Variants in SPRED1 observed in about 807,000 individuals in gnomAD.
SPRED1 encodes sprouty related EVH1 domain containing 1.
Under a neutral mutation model 52.3 loss-of-function variants are expected in SPRED1, and 18 were observed. That is an observed-to-expected ratio of 0.34 (90% CI 0.24 to 0.51). SPRED1 has a LOEUF of 0.51. SPRED1 is among the 20% of genes least tolerant of loss of function. SPRED1 has a pLI of 0.97. For synonymous variants in SPRED1, 155 were observed against 179.7 expected, an observed-to-expected ratio of 0.86 and a Z score of 1.10; for missense variants, 485 against 551.0, an observed-to-expected ratio of 0.88 and a Z score of 1.20.
At chr15:38,304,407 T>C (rs1055039124) in intron 2 of SPRED1, among the ~76,000 whole-genome samples, 8 of 152,334 alleles carry the variant, frequency 5.3e-5, no homozygotes, top group Middle Eastern at 3.4e-3. Flanking sequence ...TCTTGAAAGA[T>C]ACTAGTTCCC....
At chr15:38,333,551 T>A (rs574679794) in intron 4 of SPRED1, among the ~76,000 whole-genome samples, 1 of 152,258 alleles carries the variant, frequency 6.6e-6, no homozygotes, top group South Asian at 2.1e-4. Flanking sequence ...ATATAATTTT[T>A]AATAAGATGG....
chr15:38,311,381 T>TG (rs2140987115), intron 2 of SPRED1, among the ~76,000 whole-genome samples: 1 of 152,210 alleles, frequency 6.6e-6, no homozygotes, highest in Admixed American at 6.5e-5. Context: ...TGTAGGTCGG[T>TG]GGGGGTTTTC....
At chr15:38,309,025 A>G (rs185315477) in intron 2 of SPRED1, among the ~76,000 whole-genome samples, 4 of 152,252 alleles carry the variant, frequency 2.6e-5, no homozygotes, top group Admixed American at 2.0e-4. Context: ...ATTCTGAGAG[A>G]TGTGTAGTGA....
chr15:38,308,378 T>C (rs186841635), intron 2 of SPRED1, among the ~76,000 whole-genome samples: 178 of 152,326 alleles, frequency 1.2e-3, no homozygotes, highest in Admixed American at 2.8e-3. Flanking sequence ...TTGTATTCAT[T>C]TTTGTGTGTA....
intron 1 of SPRED1, chr15:38,268,167 A>T (rs1894351667): frequency 6.6e-6 from 1 of 152,168 alleles, no homozygotes; most frequent in Non-Finnish European, 1.5e-5. Flanking sequence ...TGCTGTCTCT[A>T]CTCTAGCTAC....
At chr15:38,343,525 G>C (rs564302437) in intron 5 of SPRED1, among the ~76,000 whole-genome samples, 129 of 152,182 alleles carry the variant, frequency 8.5e-4, no homozygotes, top group African/African-American at 2.7e-3. Flanking sequence ...GAAAGTTAAC[G>C]AAATTGAAAC....
rs187660297 is a variant in SPRED1 at position 38,277,158 on chromosome 15, G to A, written c.33-22215G>A. The stretch of plus-strand genomic sequence containing the variant: ...AAAACTTTTAGGTTCAAGGTTACAC[G>A]TGCAGGTTTGTTATATAGGTAAATT... On this transcript the variant is annotated intron_variant, in intron 1 of 6. Transcript: ENST00000299084. 5.5e-4 allele frequency among the ~76,000 whole-genome samples: 83 copies of A among 152,228 alleles called. No homozygotes were observed. The East Asian group carries it at 0.012, about 21-fold the overall frequency.
intron 2 of SPRED1, among the ~76,000 whole-genome samples, chr15:38,309,371 C>A (rs920010042): frequency 3.3e-5 from 5 of 152,200 alleles, no homozygotes; most frequent in African/African-American, 4.8e-5. Flanking sequence ...GAACTCCTGA[C>A]CTTAAGTGAT....
At chr15:38,293,660 T>G (rs1354833897) in intron 1 of SPRED1, among the ~76,000 whole-genome samples, 2 of 152,224 alleles carry the variant, frequency 1.3e-5, no homozygotes, top group African/African-American at 4.8e-5. Flanking sequence ...GCTTTCTTGC[T>G]TATTATCATC....
Position 38,257,212 on chromosome 15 carries a change from A to G in SPRED1, c.32+3995A>G, listed in dbSNP as rs555267738. 1.9e-4 allele frequency among the ~76,000 whole-genome samples: 29 copies of G among 150,534 alleles called. No homozygotes were observed. The South Asian group carries it at 5.9e-3, about 31-fold the overall frequency. ...TTCGTACATATGTATATTAGTTTTA[A>G]AATCATATAATATTGTGATTATTTA... On this transcript the variant is annotated intron_variant, in intron 1 of 6. Transcript: ENST00000299084.
chr15:38,257,247 A>T (rs147701249), intron 1 of SPRED1, among the ~76,000 whole-genome samples: 1 of 152,112 alleles, frequency 6.6e-6, no homozygotes, highest in African/African-American at 2.4e-5. Context: ...ACTTATTTCT[A>T]TGACCGCTAT....
chr15:38,345,504 A>C (rs1420115323), intron 5 of SPRED1, among the ~76,000 whole-genome samples: 1 of 152,218 alleles, frequency 6.6e-6, no homozygotes, highest in African/African-American at 2.4e-5. Flanking sequence ...AGATTAAGCT[A>C]GCAAGTTAAC....
chr15:38,337,939 G>A (rs1372827152), intron 4 of SPRED1, among the ~76,000 whole-genome samples: 3 of 150,558 alleles, frequency 2.0e-5, no homozygotes, highest in East Asian at 2.0e-4. Flanking sequence ...GAAATTGTGC[G>A]CCTGTAATCC....
chr15:38,349,575 AGGT>A (rs754544760), intron 6 of SPRED1, 52 bp downstream of exon 6: 3 of 1,061,346 alleles, frequency 2.8e-6, no homozygotes, highest in Non-Finnish European at 4.0e-6. Context: ...ATTAATAGAT[AGGT>A]AAAGTTTTCC....
At chr15:38,344,352 C>T (rs747974163) in intron 5 of SPRED1, among the ~76,000 whole-genome samples, 1 of 152,092 alleles carries the variant, frequency 6.6e-6, no homozygotes, top group Non-Finnish European at 1.5e-5. Flanking sequence ...TTTATTTGGC[C>T]TACCTTCTTT....
intron 2 of SPRED1, among the ~76,000 whole-genome samples, chr15:38,319,785 A>G (rs987198639): frequency 2.6e-5 from 4 of 152,216 alleles, no homozygotes; most frequent in African/African-American, 7.2e-5. Context: ...CCTTAGTCAC[A>G]TTTTTGGTTA....
At position 38,299,606 on chromosome 15, in the gene SPRED1, A is replaced by G. The variant is rs1475772387; in HGVS notation, c.207+59A>G. Reference sequence around the variant, plus strand: ...GATAATGAATTATCTGTTTAAAGTTATGATTAGTATACTGTTGTGAGTTTT... The same window carrying G: ...GATAATGAATTATCTGTTTAAAGTTGTGATTAGTATACTGTTGTGAGTTTT... On this transcript the variant is annotated intron_variant, in intron 2 of 6. Coordinates refer to ENST00000299084, the MANE Select transcript of SPRED1 (RefSeq NM_152594.3). 2.8e-5 allele frequency: 42 copies of G among 1,510,848 alleles called. No individual in the cohort carries two copies. The East Asian group carries it at 9.9e-4, about 36-fold the overall frequency. The allele number at this position is 1,510,848 out of a possible 1,614,324, so 93.6% of individuals were successfully genotyped here. A position where few individuals can be genotyped will look rare whatever the true frequency, so the allele number is the denominator to read the frequency against.
At chr15:38,295,828 A>G (rs1895024666) in intron 1 of SPRED1, among the ~76,000 whole-genome samples, 1 of 152,130 alleles carries the variant, frequency 6.6e-6, no homozygotes, top group Admixed American at 6.6e-5. Context: ...AGACTCATAC[A>G]TGTGTCAGCC....
chr15:38,314,806 A>G (rs1261257037), intron 2 of SPRED1, among the ~76,000 whole-genome samples: 2 of 151,932 alleles, frequency 1.3e-5, no homozygotes, highest in Non-Finnish European at 2.9e-5. Flanking sequence ...TGCCATAATT[A>G]TGAAAATATG....
Sources: gnomAD v4.1 joint callset for allele counts (sites outside exome capture counted in the v4.1 genomes callset) on GRCh38, gnomAD v4.1.1 for gene constraint, MANE v1.5 for transcripts, NCBI Gene and HGNC (gene_info 2026-07-23, HGNC 2026-07-21) for gene names.